Variants in KAZN observed in about 807,000 individuals in gnomAD.
KAZN encodes the protein kazrin, periplakin interacting protein.
A neutral mutation model predicts 87.4 loss-of-function variants in KAZN; 40 were observed. That is an observed-to-expected ratio of 0.46 (90% CI 0.36 to 0.60). The LOEUF (loss-of-function observed/expected upper bound fraction) is 0.60. Among genes scored for constraint, KAZN ranks in the 20% least tolerant of loss-of-function variants. The probability of loss-of-function intolerance (pLI) is 0.00; values close to 1 mark genes in which losing one functional copy is unlikely to be tolerated. For synonymous variants in KAZN, 466 were observed against 458.3 expected (o/e 1.02, Z -0.22); for missense variants, 898 against 1,073.9 (o/e 0.84, Z 2.29).
intron 2 of KAZN, among the ~76,000 whole-genome samples, chr1:14,223,823 C>G (rs918293110): frequency 6.6e-6 from 1 of 152,152 alleles, no homozygotes; most frequent in Non-Finnish European, 1.5e-5. Flanking sequence ...ACCCTGGGTC[C>G]AATCTGCTAT....
chr1:14,278,740 A>G (rs1489292248), intron 2 of KAZN, among the ~76,000 whole-genome samples: 4 of 152,108 alleles, frequency 2.6e-5, no homozygotes, highest in Admixed American at 2.6e-4. Context: ...TTTTACCTCT[A>G]TGGCTTTTTA....
rs1644494385 is a variant in KAZN at position 14,111,271 on chromosome 1, T to C, written c.92-69164T>C. Among the ~76,000 whole-genome samples, 2 of 134,306 alleles carry C rather than the reference T, an allele frequency of 1.5e-5. 1 individual carries two copies. Among genetic ancestry groups the C allele is most frequent in the Admixed American group, 1.5e-4 (2 of 13,600 alleles). 88.1% of individuals were successfully genotyped at this position (134,306 alleles called of 152,430 possible). A position where few individuals can be genotyped will look rare whatever the true frequency, so the allele number is the denominator to read the frequency against. ...TGCAGTCCAGGATATGCCGATCCACTAAGCTTGAAATTGCATGGGGATCCT... is the reference window on the plus strand; with the variant it reads ...TGCAGTCCAGGATATGCCGATCCACCAAGCTTGAAATTGCATGGGGATCCT... On this transcript the variant is annotated intron_variant, in intron 1 of 16. Transcript: ENST00000636203.
chr1:14,185,516 A>T lies in KAZN; in HGVS notation c.249+4924A>T, dbSNP rs1646285055. ...CGCATCCTTTCCTGCGAGTTTGCAAAAGCAATGCTTATTTTCCATTCTTAG... is the reference window on the plus strand; with the variant it reads ...CGCATCCTTTCCTGCGAGTTTGCAATAGCAATGCTTATTTTCCATTCTTAG... On this transcript the variant is annotated intron_variant, in intron 2 of 16. Transcript: ENST00000636203. Among the ~76,000 whole-genome samples the T allele has an allele frequency of 2.0e-5, 3 of 152,330 alleles. No individual in the cohort carries two copies. In the South Asian group the frequency reaches 6.2e-4, roughly 32 times the overall value.
chr1:14,398,395 A>C (rs1372472800), intron 2 of KAZN, among the ~76,000 whole-genome samples: 1 of 152,246 alleles, frequency 6.6e-6, no homozygotes, highest in African/African-American at 2.4e-5. Context: ...AAATGAATAT[A>C]ACAACAGTAT....
chr1:14,890,839 A>ATTTT (rs1654630602), intron 1 of KAZN, among the ~76,000 whole-genome samples: 2 of 42,208 alleles, frequency 4.7e-5, no homozygotes, highest in African/African-American at 7.9e-5. Context: ...AGGAATCTGG[A>ATTTT]CTTTTTTTTT....
chr1:14,782,554 C>CAAAAAAA (rs71572122), intron 1 of KAZN, among the ~76,000 whole-genome samples: 178 of 66,228 alleles, frequency 2.7e-3, no homozygotes, highest in East Asian at 4.0e-3. Context: ...CCTCAAAGAG[C>CAAAAAAA]AAAAAAAAAA....
At chr1:14,700,755 C>T (rs2148803515) in intron 1 of KAZN, among the ~76,000 whole-genome samples, 1 of 152,228 alleles carries the variant, frequency 6.6e-6, no homozygotes, top group African/African-American at 2.4e-5. Context: ...GCCAGGGTGG[C>T]TTCCTTGCAG....
At chr1:14,645,927 G>A (rs1308038558) in intron 1 of KAZN, among the ~76,000 whole-genome samples, 4 of 152,196 alleles carry the variant, frequency 2.6e-5, no homozygotes, top group Non-Finnish European at 5.9e-5. Flanking sequence ...TTCAAAAGGA[G>A]TGGATTATTG....
chr1:14,711,998 A>G (rs958795025), intron 1 of KAZN, among the ~76,000 whole-genome samples: 1 of 152,174 alleles, frequency 6.6e-6, no homozygotes, highest in African/African-American at 2.4e-5. Context: ...GTACAGAAGG[A>G]GCATGGTGCA....
chr1:15,062,360 G>C (rs1420211800), intron 6 of KAZN: 2 of 152,654 alleles, frequency 1.3e-5, no homozygotes, highest in Non-Finnish European at 2.9e-5. Context: ...AATGGATTCT[G>C]TTTGCAAACC....
chr1:14,401,037 G>C (rs140347677), intron 2 of KAZN, among the ~76,000 whole-genome samples: 1 of 152,198 alleles, frequency 6.6e-6, no homozygotes, highest in African/African-American at 2.4e-5. Flanking sequence ...CATAAATGCT[G>C]TAAGCATGGT....
intron 1 of KAZN, among the ~76,000 whole-genome samples, chr1:14,039,043 T>C (rs1191185615): frequency 2.0e-5 from 3 of 151,924 alleles, no homozygotes; most frequent in Admixed American, 6.6e-5. Flanking sequence ...TGGTGGTGTG[T>C]GCCTGTAATC....
In KAZN at chr1:14,169,496, G is replaced by A. The variant is rs1645904184; in HGVS notation, c.92-10939G>A. ...ACAGTTTGGTGGTGCCCAATCAACT[G>A]GAGTGGAGTGAAGAGGGTGCTGTCC... On this transcript the variant is annotated intron_variant, in intron 1 of 16. Transcript: ENST00000636203. Among the ~76,000 whole-genome samples the A allele has an allele frequency of 2.0e-5, 3 of 152,314 alleles. No homozygotes were observed. In the South Asian group the frequency reaches 6.2e-4, roughly 32 times the overall value.
At chr1:14,823,696 T>G (rs928026758) in intron 1 of KAZN, among the ~76,000 whole-genome samples, 2 of 151,756 alleles carry the variant, frequency 1.3e-5, no homozygotes, top group Admixed American at 6.6e-5. Flanking sequence ...GAGGGACAGA[T>G]CGTATAGTGT....
At chr1:14,594,587 ACAT>A (rs1286100192), upstream of KAZN, among the ~76,000 whole-genome samples, 1 of 152,152 alleles carries the variant, frequency 6.6e-6, no homozygotes, top group Non-Finnish European at 1.5e-5. Flanking sequence ...TTGGTTCTTA[ACAT>A]CAGCCTACTG....
chr1:14,390,848 G>C (rs912980941), intron 2 of KAZN: 1 of 152,338 alleles, frequency 6.6e-6, no homozygotes, highest in Admixed American at 6.5e-5. Context: ...CAGAGCCCTT[G>C]GCCCTATCAC....
At chr1:14,581,386 C>T (rs561661743) in intron 2 of KAZN, among the ~76,000 whole-genome samples, 21 of 152,268 alleles carry the variant, frequency 1.4e-4, no homozygotes, top group African/African-American at 4.3e-4. Flanking sequence ...CAATACTGAT[C>T]TAGAATCCAT....
intron 2 of KAZN, among the ~76,000 whole-genome samples, chr1:14,445,102 T>A (rs773900491): frequency 1.4e-4 from 21 of 151,986 alleles, no homozygotes; most frequent in Non-Finnish European, 1.9e-4. Flanking sequence ...TTTGGTTCAC[T>A]ACAACTTCCG....
At chr1:14,657,077 CTTTTTTTT>C (rs35046893) in intron 1 of KAZN, among the ~76,000 whole-genome samples, 9 of 83,340 alleles carry the variant, frequency 1.1e-4, no homozygotes, top group South Asian at 9.4e-4. Context: ...AAGAGAGAGG[CTTTTTTTT>C]TTTTTTTTTT....
Sources: allele counts gnomAD v4.1 joint callset (sites outside exome capture counted in the v4.1 genomes callset), GRCh38; gene constraint gnomAD v4.1.1; transcripts MANE v1.5; gene names NCBI Gene and HGNC (gene_info 2026-07-23, HGNC 2026-07-21).